FGD6: variants seen among roughly 807,000 people sequenced by gnomAD.
The protein encoded by FGD6 is FYVE, RhoGEF and PH domain-containing protein 6.
Under a neutral mutation model 149.4 loss-of-function variants are expected in FGD6, and 90 were observed. That is an observed-to-expected ratio of 0.60 (90% CI 0.51 to 0.72). The LOEUF (loss-of-function observed/expected upper bound fraction) is 0.72. Among genes scored for constraint, FGD6 ranks in the 30% least tolerant of loss-of-function variants. The probability of loss-of-function intolerance (pLI) is 0.00; values close to 1 mark genes in which losing one functional copy is unlikely to be tolerated. For missense variants in FGD6, 1,437 were observed against 1,684.8 expected (o/e 0.85, Z 2.57); for synonymous variants, 527 against 584.0 (o/e 0.90, Z 1.41).
chr12:95,129,760 C>T (rs1354598586), intron 8 of FGD6, among the ~76,000 whole-genome samples: 1 of 152,200 alleles, frequency 6.6e-6, no homozygotes, highest in African/African-American at 2.4e-5. Context: ...GCAACGTCCA[C>T]CTCCCAGGTT....
intron 3 of FGD6, among the ~76,000 whole-genome samples, chr12:95,166,882 A>C (rs2136280721): frequency 7.7e-6 from 1 of 130,130 alleles, no homozygotes; most frequent in South Asian, 2.4e-4. Context: ...TTTGAGTCAG[A>C]GTCTCACTCT....
intron 2 of FGD6, among the ~76,000 whole-genome samples, chr12:95,201,122 T>TA (rs2056660414): frequency 6.6e-6 from 1 of 151,612 alleles, no homozygotes; most frequent in Non-Finnish European, 1.5e-5. Flanking sequence ...TAGAAGAACA[T>TA]AAAAAGCTAT....
intron 2 of FGD6, among the ~76,000 whole-genome samples, chr12:95,177,908 A>AATTTATTTACTT (rs1555221662): frequency 1.3e-4 from 18 of 142,302 alleles, no homozygotes; most frequent in African/African-American, 4.8e-4. Context: ...TTTAAACAAC[A>AATTTATTTACTT]ATTTATTTAT....
intron 3 of FGD6, among the ~76,000 whole-genome samples, chr12:95,154,483 G>A (rs1190438957): frequency 6.6e-6 from 1 of 152,252 alleles, no homozygotes; most frequent in African/African-American, 2.4e-5. Flanking sequence ...TTATGTTCCA[G>A]TTCAAGATCA....
chr12:95,209,641 T>A lies in FGD6; in HGVS notation c.1643A>T (p.Asn548Ile), dbSNP rs142176782. Residue 548 changes from asparagine to isoleucine, a missense_variant, in exon 2 of 21, where the codon AAC becomes ATC. Asn to Ile is a moderately radical substitution (Grantham distance 149, BLOSUM62 -3). Coordinates refer to ENST00000343958, the MANE Select transcript of FGD6 (RefSeq NM_018351.4). ...ATCAAAGGAGGATGACACACCACGG[T>A]TTTGGGCACACAAATGCTGAAGGTG... is the stretch of plus-strand genomic sequence containing the variant. ...RNHLQHLCAQ[N>I]RGVSSSFDMP... 968 of 1,613,348 alleles carry A rather than the reference T, an allele frequency of 6.0e-4. 1 individual carries two copies. Among genetic ancestry groups the A allele is most frequent in the Admixed American group, 2.2e-3 (130 of 59,810 alleles).
At chr12:95,165,386 A>G (rs1592859694) in intron 3 of FGD6, among the ~76,000 whole-genome samples, 1 of 147,300 alleles carries the variant, frequency 6.8e-6, no homozygotes, top group Non-Finnish European at 1.5e-5. Context: ...CAGGCTGGAG[A>G]GCAATGGTGC....
chr12:95,205,870 G>C (rs183361237), intron 2 of FGD6, among the ~76,000 whole-genome samples: 1 of 152,172 alleles, frequency 6.6e-6, no homozygotes, highest in Non-Finnish European at 1.5e-5. Context: ...CTAAACAAAA[G>C]TCTCCTTGGA....
intron 6 of FGD6, 83 bp from the exon 7 acceptor site, chr12:95,137,761 G>A: frequency 1.1e-6 from 1 of 931,786 alleles, no homozygotes; most frequent in Non-Finnish European, 1.5e-6. Context: ...CCACATCTAA[G>A]CCGCCAACTT....
chr12:95,189,862 A>T (rs908418058), intron 2 of FGD6, among the ~76,000 whole-genome samples: 8 of 152,216 alleles, frequency 5.3e-5, no homozygotes, highest in Non-Finnish European at 8.8e-5. Context: ...AGAGTATTTT[A>T]AAAAGACAAA....
chr12:95,134,832 AG>A lies in FGD6; in HGVS notation c.2995-7del. On this transcript the variant is annotated splice_region_variant and splice_polypyrimidine_tract_variant and intron_variant, in intron 7 of 20. Coordinates refer to ENST00000343958, the MANE Select transcript of FGD6 (RefSeq NM_018351.4). The stretch of plus-strand genomic sequence containing the variant: ...TTAGCACAGCGAGGGCTCATCTGAA[AG>A]GAGAAGGCATCTAAATTAACACAGT... The A allele has an allele frequency of 6.2e-7, 1 of 1,608,764 alleles. No individual in the cohort carries two copies. Among genetic ancestry groups the A allele is most frequent in the South Asian group, 1.1e-5 (1 of 90,122 alleles).
At position 95,212,897 on chromosome 12, in the gene FGD6, A is replaced by G. The variant is rs148982567; in HGVS notation, c.17-1630T>C. ...CTCTACTTCTATGTGTGCAATAAAG[A>G]TTATATGATGTATATGATGATACAT... is the stretch of plus-strand genomic sequence containing the variant. On this transcript the variant is annotated intron_variant, in intron 1 of 20. Coordinates refer to ENST00000343958, the MANE Select transcript of FGD6 (RefSeq NM_018351.4). Among the ~76,000 whole-genome samples the G allele has an allele frequency of 4.6e-5, 7 of 152,332 alleles. No individual in the cohort carries two copies. In the East Asian group the frequency reaches 1.4e-3, roughly 29 times the overall value.
chr12:95,211,132 G>A lies in FGD6; in HGVS notation c.152C>T (p.Ala51Val), dbSNP rs764651789. ...CAGGACTTTTGGTTTTGGGGCTATTGCTGGTTTCATTTTCTTTGTCGACTG... is the reference window on the plus strand; with the variant it reads ...CAGGACTTTTGGTTTTGGGGCTATTACTGGTTTCATTTTCTTTGTCGACTG... Reference protein sequence around the residue: ...VPQSTKKMKPAIAPKPKVLKT... With the variant: ...VPQSTKKMKPVIAPKPKVLKT... Residue 51 changes from alanine to valine, a missense_variant, in exon 2 of 21, where the codon GCA becomes GTA. Around this residue, in one of 2 missense-constraint regions of FGD6, gnomAD observed 1,055 missense variants for 1,146.0 expected, o/e 0.92. Coordinates refer to ENST00000343958, the MANE Select transcript of FGD6 (RefSeq NM_018351.4). 3.1e-6 allele frequency: 5 copies of A among 1,614,160 alleles called. No individual in the cohort carries two copies. The South Asian group carries it at 5.5e-5, about 18-fold the overall frequency.
intron 8 of FGD6, among the ~76,000 whole-genome samples, chr12:95,130,033 A>G (rs1272369276): frequency 3.3e-5 from 5 of 152,166 alleles, no homozygotes; most frequent in African/African-American, 1.2e-4. Flanking sequence ...ATACAACTAT[A>G]TGCATTCTTT....
chr12:95,141,610 C>T, intron 5 of FGD6, 71 bp from the exon 6 acceptor site: 1 of 1,524,326 alleles, frequency 6.6e-7, no homozygotes, highest in Non-Finnish European at 9.0e-7. Flanking sequence ...ATCCTCAGTC[C>T]CCCTCCTCCC....
intron 5 of FGD6, among the ~76,000 whole-genome samples, chr12:95,147,251 C>T (rs1054059019): frequency 3.3e-5 from 5 of 152,184 alleles, no homozygotes; most frequent in African/African-American, 1.2e-4. Context: ...AAAGTCCCCA[C>T]ATTAACCATT....
chr12:95,136,756 T>A (rs563639813), intron 7 of FGD6, among the ~76,000 whole-genome samples: 1 of 152,296 alleles, frequency 6.6e-6, no homozygotes, highest in East Asian at 1.9e-4. Flanking sequence ...TCAAGTTCAT[T>A]GAGTCAGAAA....
rs1880192167 is a variant in FGD6 at position 95,149,242 on chromosome 12, A to ATATATAGCATATATATTATATAT, written c.2685+3546_2685+3568dup. Reference sequence around the variant, plus strand: ...TAATATATAGCATATATATTATATAATATATAGCATATATATTATATATTA... The same window carrying ATATATAGCATATATATTATATAT: ...TAATATATAGCATATATATTATATAATATATAGCATATATATTATATATTATATAGCATATATATTATATATTA... On this transcript the variant is annotated intron_variant, in intron 5 of 20. Transcript: ENST00000343958. Among the ~76,000 whole-genome samples, 3 of 28,444 alleles carry ATATATAGCATATATATTATATAT rather than the reference A, an allele frequency of 1.1e-4. 1 individual carries two copies. The highest frequency in any genetic ancestry group is 1.5e-4 in the Non-Finnish European group (3 of 20,158). 18.7% of individuals were successfully genotyped at this position (28,444 alleles called of 152,430 possible).
chr12:95,101,679 TTC>T (rs1878438977), intron 14 of FGD6, among the ~76,000 whole-genome samples: 1 of 110,700 alleles, frequency 9.0e-6, no homozygotes, highest in Non-Finnish European at 1.8e-5. Flanking sequence ...TCTTTGAACT[TTC>T]TTTTTTTTTT....
chr12:95,112,241 T>TA (rs11291927), intron 9 of FGD6, among the ~76,000 whole-genome samples: 32 of 144,790 alleles, frequency 2.2e-4, no homozygotes, highest in Non-Finnish European at 2.9e-4. Context: ...CTCAAAAAAT[T>TA]AAAAAAAAAA....
Sources: allele counts gnomAD v4.1 joint callset (sites outside exome capture counted in the v4.1 genomes callset), GRCh38; gene constraint gnomAD v4.1.1; regional missense constraint gnomAD v4.1.1; transcripts MANE v1.5; gene names NCBI Gene and HGNC (gene_info 2026-07-23, HGNC 2026-07-21).